MAPK10: variants seen among roughly 807,000 people sequenced by gnomAD.
MAPK10 encodes JNK3 alpha protein kinase.
A neutral mutation model predicts 59.3 loss-of-function variants in MAPK10; 25 were observed. The ratio of observed to expected loss-of-function variants is 0.42; its 90% CI spans 0.31 to 0.59. The LOEUF (loss-of-function observed/expected upper bound fraction) is 0.59. Among genes scored for constraint, MAPK10 ranks in the 20% least tolerant of loss-of-function variants. The probability of loss-of-function intolerance (pLI) is 0.15; values close to 1 mark genes in which losing one functional copy is unlikely to be tolerated. For missense variants in MAPK10, 351 were observed against 568.9 expected, an observed-to-expected ratio of 0.62 and a Z score of 3.90; for synonymous variants, 190 against 200.5, an observed-to-expected ratio of 0.95 and a Z score of 0.44.
intron 1 of MAPK10, among the ~76,000 whole-genome samples, chr4:86,549,142 CTG>C (rs1265774811): frequency 6.6e-6 from 1 of 151,962 alleles, no homozygotes; most frequent in Admixed American, 6.5e-5. Flanking sequence ...AAAATAAAAA[CTG>C]TAATTTTAAC....
chr4:86,161,838 T>G (rs2069800009), intron 3 of MAPK10, among the ~76,000 whole-genome samples: 1 of 152,088 alleles, frequency 6.6e-6, no homozygotes. Flanking sequence ...AATGTTGTAT[T>G]GTGGCACGGC....
At chr4:86,084,120 C>T (rs1170189242) in intron 9 of MAPK10, among the ~76,000 whole-genome samples, 5 of 152,214 alleles carry the variant, frequency 3.3e-5, no homozygotes, top group Non-Finnish European at 7.3e-5. Flanking sequence ...AGACTCAGCA[C>T]ATTCCCAGTT....
chr4:86,278,058 A>G (rs929563804), intron 2 of MAPK10, among the ~76,000 whole-genome samples: 1 of 152,138 alleles, frequency 6.6e-6, no homozygotes, highest in Non-Finnish European at 1.5e-5. Flanking sequence ...ACACAGGGAC[A>G]ATTGCTAAAG....
At chr4:86,382,115 A>T (rs1468348546) in intron 1 of MAPK10, among the ~76,000 whole-genome samples, 6 of 152,114 alleles carry the variant, frequency 3.9e-5, no homozygotes, top group Admixed American at 6.5e-5. Context: ...CCCAGTTATG[A>T]CAATGAAAAA....
chr4:86,246,216 G>C (rs150984766), intron 2 of MAPK10, among the ~76,000 whole-genome samples: 3 of 152,180 alleles, frequency 2.0e-5, no homozygotes, highest in Non-Finnish European at 4.4e-5. Flanking sequence ...CAGATCACGA[G>C]GTCAGGAGAT....
intron 4 of MAPK10, among the ~76,000 whole-genome samples, chr4:86,150,861 C>CA (rs1026415602): frequency 1.0e-4 from 15 of 150,440 alleles, no homozygotes; most frequent in African/African-American, 3.2e-4. Flanking sequence ...GACTCCGTCT[C>CA]AAAAAAAAGA....
In MAPK10 at chr4:86,070,379, A is replaced by AT. The variant is rs200151279; in HGVS notation, c.803-2425dup. Among the ~76,000 whole-genome samples, 86 of 146,544 alleles carry AT rather than the reference A, an allele frequency of 5.9e-4. 1 individual carries two copies. The East Asian group carries it at 0.013, about 22-fold the overall frequency. On this transcript the variant is annotated intron_variant, in intron 9 of 13. Coordinates refer to ENST00000641462, the MANE Select transcript of MAPK10 (RefSeq NM_138982.4). ...TTTTTTGTAGCACTTGAAGGGCTTT[A>AT]TTTTTTTTTCTTTTTCTTTTTTTTA...
intron 11 of MAPK10, among the ~76,000 whole-genome samples, chr4:86,063,982 G>A (rs1191076839): frequency 1.3e-5 from 2 of 152,080 alleles, no homozygotes; most frequent in African/African-American, 4.8e-5. Context: ...AAACACACAA[G>A]AAGAAACACA....
chr4:86,226,032 G>C (rs2090554102), intron 2 of MAPK10, among the ~76,000 whole-genome samples: 1 of 152,210 alleles, frequency 6.6e-6, no homozygotes, highest in Non-Finnish European at 1.5e-5. Context: ...AAAACCTTTT[G>C]ATTATGACAG....
chr4:86,240,354 T>C (rs1311699975), intron 2 of MAPK10, among the ~76,000 whole-genome samples: 1 of 152,210 alleles, frequency 6.6e-6, no homozygotes, highest in Admixed American at 6.5e-5. Flanking sequence ...TCTGTAGATA[T>C]CTACTAGGTC....
intron 3 of MAPK10, among the ~76,000 whole-genome samples, chr4:86,163,336 C>A (rs2070478690): frequency 6.6e-6 from 1 of 152,142 alleles, no homozygotes; most frequent in Non-Finnish European, 1.5e-5. Flanking sequence ...CATCCTTCAG[C>A]TTCTATATAG....
intron 11 of MAPK10, among the ~76,000 whole-genome samples, chr4:86,034,661 G>A (rs907644717): frequency 1.3e-5 from 2 of 152,076 alleles, no homozygotes; most frequent in African/African-American, 4.8e-5. Context: ...TAAGACTGAT[G>A]CAAAACAGAT....
At chr4:86,159,018 A>G (rs2068702964) in intron 4 of MAPK10, 1 of 258,784 alleles carries the variant, frequency 3.9e-6, no homozygotes, top group African/African-American at 2.2e-5. Flanking sequence ...ACTGCTAGAA[A>G]ATCTCTGGTT....
intron 4 of MAPK10, among the ~76,000 whole-genome samples, chr4:86,143,013 A>G (rs1214103464): frequency 6.6e-6 from 1 of 152,174 alleles, no homozygotes; most frequent in Non-Finnish European, 1.5e-5. Flanking sequence ...GGTAATTTAT[A>G]AAGGAAAGAG....
intron 1 of MAPK10, among the ~76,000 whole-genome samples, chr4:86,438,365 G>A (rs1309568834): frequency 6.6e-6 from 1 of 152,048 alleles, no homozygotes; most frequent in Non-Finnish European, 1.5e-5. Flanking sequence ...GTTAGTTCAG[G>A]TCTTGCAAGA....
chr4:86,525,519 C>A (rs1757416161), intron 1 of MAPK10, among the ~76,000 whole-genome samples: 1 of 152,158 alleles, frequency 6.6e-6, no homozygotes, highest in Non-Finnish European at 1.5e-5. Flanking sequence ...CACCTCTACC[C>A]TTGACCTGGA....
chr4:86,292,904 G>T (rs757003205), intron 2 of MAPK10, among the ~76,000 whole-genome samples: 1 of 152,136 alleles, frequency 6.6e-6, no homozygotes, highest in Non-Finnish European at 1.5e-5. Context: ...TTGTTTCCGT[G>T]TCCAGGCCAT....
At chr4:86,145,995 A>G (rs531412735) in intron 4 of MAPK10, among the ~76,000 whole-genome samples, 2 of 152,358 alleles carry the variant, frequency 1.3e-5, no homozygotes, top group South Asian at 4.1e-4. Flanking sequence ...TTGAAAAACT[A>G]AGAAGTAAAC....
At chr4:86,231,715 C>A (rs562676654) in intron 2 of MAPK10, among the ~76,000 whole-genome samples, 1 of 152,088 alleles carries the variant, frequency 6.6e-6, no homozygotes, top group Admixed American at 6.6e-5. Flanking sequence ...GATAGTAATT[C>A]ATTTTTCCCT....
Sources: allele counts gnomAD v4.1 joint callset (sites outside exome capture counted in the v4.1 genomes callset), GRCh38; gene constraint gnomAD v4.1.1; transcripts MANE v1.5; gene names NCBI Gene and HGNC (gene_info 2026-07-23, HGNC 2026-07-21).